The following WWTR1 variants were observed in gnomAD, a reference collection of about 807,000 sequenced individuals.
WWTR1 encodes the protein WW domain-containing transcription regulator protein 1.
In WWTR1, 13 loss-of-function variants were observed where a neutral mutation model predicts 40.1. The ratio of observed to expected loss-of-function variants is 0.32; its 90% CI spans 0.21 to 0.52. The LOEUF is 0.52. Among genes scored for constraint, WWTR1 ranks in the 20% least tolerant of loss-of-function variants. The pLI, the probability that WWTR1 is intolerant of heterozygous loss-of-function variation, is 0.97. For missense variants in WWTR1, 436 were observed against 523.1 expected (o/e 0.83, Z 1.63); for synonymous variants, 230 against 210.1 (o/e 1.09, Z -0.82).
intron 2 of WWTR1, chr3:149,576,029 C>G: frequency 4.4e-6 from 2 of 456,748 alleles, no homozygotes; most frequent in Non-Finnish European, 8.8e-6. Context: ...AAAAGTGTCA[C>G]TCACAGCATT....
chr3:149,657,151 G>A lies in WWTR1; in HGVS notation c.156C>T (p.Phe52=), dbSNP rs1576627473. ...SWRKKILPES[F]FKEPDSGSHS... The stretch of plus-strand genomic sequence containing the variant: ...GCGAGCCCGAATCAGGCTCCTTAAA[G>A]AAAGACTCCGGCAGGATCTTCTTCC... The change falls in exon 2 of 7, where the codon TTC becomes TTT. Residue 52 remains phenylalanine, a synonymous_variant. Transcript: ENST00000360632. The A allele has an allele frequency of 6.2e-7, 1 of 1,604,590 alleles. No homozygotes were observed. The highest frequency in any genetic ancestry group is 8.5e-7 in the Non-Finnish European group (1 of 1,176,602).
At chr3:149,668,858 A>G (rs1559835602) in intron 2 of WWTR1, among the ~76,000 whole-genome samples, 2 of 152,104 alleles carry the variant, frequency 1.3e-5, no homozygotes, top group Non-Finnish European at 2.9e-5. Flanking sequence ...GTGTTTGAAC[A>G]CCCCACAAAA....
chr3:149,553,335 T>C (rs961952037), intron 3 of WWTR1, among the ~76,000 whole-genome samples: 3 of 152,142 alleles, frequency 2.0e-5, no homozygotes, highest in African/African-American at 7.2e-5. Flanking sequence ...TAAGTTAAAT[T>C]TGGTGATGAG....
intron 1 of WWTR1, among the ~76,000 whole-genome samples, chr3:149,695,894 T>G (rs1221622916): frequency 6.7e-6 from 1 of 150,294 alleles, no homozygotes; most frequent in Non-Finnish European, 1.5e-5. Flanking sequence ...GGGTGGATCA[T>G]GAGGTCAGGA....
intron 1 of WWTR1, among the ~76,000 whole-genome samples, chr3:149,674,878 G>A (rs552737813): frequency 6.6e-6 from 1 of 152,138 alleles, no homozygotes; most frequent in Non-Finnish European, 1.5e-5. Context: ...ACATTCTATG[G>A]TATGTTTGAA....
At chr3:149,694,190 G>C (rs1009751379) in intron 1 of WWTR1, among the ~76,000 whole-genome samples, 7 of 152,292 alleles carry the variant, frequency 4.6e-5, no homozygotes, top group African/African-American at 1.4e-4. Flanking sequence ...TCAGGGGTTC[G>C]AGACCAGCCT....
chr3:149,712,828 T>C (rs1715512924), intron 5 of WWTR1, among the ~76,000 whole-genome samples: 1 of 152,194 alleles, frequency 6.6e-6, no homozygotes, highest in Non-Finnish European at 1.5e-5. Context: ...CAATTACACT[T>C]CAGGACAATA....
intron 5 of WWTR1, among the ~76,000 whole-genome samples, chr3:149,709,473 G>C (rs890724566): frequency 6.6e-6 from 1 of 151,964 alleles, no homozygotes; most frequent in African/African-American, 2.4e-5. Context: ...TTGTTTTGTG[G>C]TTGCTGTTAT....
chr3:149,555,062 A>G lies in WWTR1; in HGVS notation c.569-12525T>C, dbSNP rs201455753. On this transcript the variant is annotated intron_variant, in intron 3 of 6. Transcript: ENST00000360632. ...TTTTTCTTTAGTCAGTAGAGAGTTT[A>G]TTGTAGCTTTTTATTGGTTAGCTTT... Among the ~76,000 whole-genome samples, 12 of 152,340 alleles carry G rather than the reference A, an allele frequency of 7.9e-5. No individual in the cohort carries two copies. The East Asian group carries it at 1.9e-3, about 24-fold the overall frequency.
chr3:149,700,485 TA>T (rs1487966842), intron 1 of WWTR1, among the ~76,000 whole-genome samples: 3 of 152,156 alleles, frequency 2.0e-5, no homozygotes, highest in Non-Finnish European at 4.4e-5. Context: ...AAGTAGCTAC[TA>T]AGCTCAATTT....
upstream of WWTR1, chr3:149,661,400 T>A: frequency 6.6e-6 from 1 of 150,676 alleles, no homozygotes. Context: ...ATGTGCATTC[T>A]AAGAATAAAA....
chr3:149,583,473 T>G (rs1738251426), intron 2 of WWTR1, among the ~76,000 whole-genome samples: 1 of 152,102 alleles, frequency 6.6e-6, no homozygotes, highest in African/African-American at 2.4e-5. Flanking sequence ...CGAGGCTGGG[T>G]CTACACATGC....
chr3:149,630,878 T>C (rs867339354), intron 2 of WWTR1, among the ~76,000 whole-genome samples: 1 of 152,212 alleles, frequency 6.6e-6, no homozygotes, highest in Non-Finnish European at 1.5e-5. Flanking sequence ...CCTTTACTCA[T>C]TCCTTCCTTG....
At chr3:149,676,129 CA>C (rs1311010494) in intron 1 of WWTR1, among the ~76,000 whole-genome samples, 3 of 151,860 alleles carry the variant, frequency 2.0e-5, no homozygotes, top group African/African-American at 2.4e-5. Flanking sequence ...AATCCAGCAC[CA>C]GGGGGAAAAA....
chr3:149,690,105 C>T (rs931732939), intron 1 of WWTR1, among the ~76,000 whole-genome samples: 1 of 151,750 alleles, frequency 6.6e-6, no homozygotes, highest in African/African-American at 2.4e-5. Context: ...CTCATGGTAA[C>T]CTTGAATTAA....
intron 2 of WWTR1, among the ~76,000 whole-genome samples, chr3:149,664,752 C>T (rs1357815591): frequency 6.6e-6 from 1 of 151,898 alleles, no homozygotes; most frequent in Non-Finnish European, 1.5e-5. Flanking sequence ...TCATGCCTGG[C>T]TGATTTTGTA....
upstream of WWTR1, chr3:149,661,097 T>C (rs1192741617): frequency 6.6e-6 from 1 of 152,252 alleles, no homozygotes; most frequent in Non-Finnish European, 1.5e-5. Context: ...TTCCACTTTG[T>C]ACTTTTAGGA....
intron 1 of WWTR1, among the ~76,000 whole-genome samples, chr3:149,687,022 C>T (rs1010829286): frequency 4.6e-5 from 7 of 152,202 alleles, no homozygotes; most frequent in Non-Finnish European, 1.5e-5. Flanking sequence ...GAAGGAGCCA[C>T]AGACTGCAGG....
chr3:149,671,720 G>A (rs1714094517), intron 1 of WWTR1, among the ~76,000 whole-genome samples: 1 of 151,960 alleles, frequency 6.6e-6, no homozygotes. Flanking sequence ...ACAGTCAGAT[G>A]TTTTTTCCCT....
Sources: gnomAD v4.1 joint callset for allele counts (sites outside exome capture counted in the v4.1 genomes callset) on GRCh38, gnomAD v4.1.1 for gene constraint, MANE v1.5 for transcripts, NCBI Gene and HGNC (gene_info 2026-07-23, HGNC 2026-07-21) for gene names.